The following NDRG2 variants were observed in gnomAD, a reference collection of about 807,000 sequenced individuals.
The protein encoded by NDRG2 is NDRG family member 2, also known as protein NDRG2.
Under a neutral mutation model 58.2 loss-of-function variants are expected in NDRG2, and 34 were observed. That is an observed-to-expected ratio of 0.58 (90% CI 0.44 to 0.78). The LOEUF (loss-of-function observed/expected upper bound fraction) is 0.78, where lower values mean the gene tolerates loss of function less well. NDRG2 is among the 30% of genes least tolerant of loss of function. NDRG2 has a pLI of 0.00. For synonymous variants in NDRG2, 187 were observed against 175.9 expected, an observed-to-expected ratio of 1.06 and a Z score of -0.50; for missense variants, 434 against 471.2, an observed-to-expected ratio of 0.92 and a Z score of 0.73.
chr14:21,021,191 C>T, intron 6 of NDRG2: 1 of 465,084 alleles, frequency 2.2e-6, no homozygotes, highest in South Asian at 1.6e-5. Context: ...TGCTTTAGTT[C>T]CTGGTTCCTC....
upstream of NDRG2, chr14:21,025,070 C>T: frequency 1.0e-6 from 1 of 986,260 alleles, no homozygotes; most frequent in Non-Finnish European, 1.2e-6. This position sits in a 1 kb window ranked among gnomAD's most constrained non-coding sequence, Gnocchi z 5.1. Flanking sequence ...TTGCCTTTGA[C>T]TCGGGCCCGC....
intron 1 of NDRG2, 96 bp from the exon 2 acceptor site, chr14:21,023,417 G>A: frequency 1.8e-6 from 2 of 1,121,206 alleles, no homozygotes; most frequent in Non-Finnish European, 1.3e-6. Flanking sequence ...AAGATGCAGG[G>A]AACAGAGGGA....
At chr14:21,067,848 C>G (rs1236063321) in intron 1 of NDRG2, among the ~76,000 whole-genome samples, 2 of 152,110 alleles carry the variant, frequency 1.3e-5, no homozygotes, top group Non-Finnish European at 2.9e-5. Context: ...CCACATGTCA[C>G]TTACTTACTT....
At position 21,018,454 on chromosome 14, in the gene NDRG2, G is replaced by A; in HGVS notation, c.861+3C>T. 1 of 1,613,942 alleles carries A rather than the reference G, an allele frequency of 6.2e-7. No individual in the cohort carries two copies. Among genetic ancestry groups the A allele is most frequent in the Non-Finnish European group, 8.5e-7 (1 of 1,179,946 alleles). On this transcript the variant is annotated splice_donor_region_variant and intron_variant, in intron 13 of 15. Transcript: ENST00000556147. ...GACGGGGGCCCAGGAACAGGTTACT[G>A]ACCTTGAGGAACGAGGTCTGGGTGG...
intron 1 of NDRG2, among the ~76,000 whole-genome samples, chr14:21,047,248 A>G (rs959889898): frequency 1.3e-5 from 2 of 152,256 alleles, no homozygotes; most frequent in African/African-American, 2.4e-5. Context: ...ACTGGCTGGT[A>G]GAATTTCAAT....
intron 3 of NDRG2, 140 bp from the exon 4 acceptor site, chr14:21,022,637 T>G (rs1881208135): frequency 1.6e-5 from 11 of 694,112 alleles, no homozygotes; most frequent in Non-Finnish European, 2.7e-5. Flanking sequence ...CAGCAAGAAT[T>G]GAGGAAAACA....
At chr14:21,046,509 C>T (rs1885153253) in intron 1 of NDRG2, among the ~76,000 whole-genome samples, 1 of 152,100 alleles carries the variant, frequency 6.6e-6, no homozygotes, top group Non-Finnish European at 1.5e-5. Context: ...GCACTCCAGC[C>T]TGAGTAACAG....
intron 1 of NDRG2, chr14:21,036,007 A>T (rs1323540164): frequency 1.0e-5 from 4 of 381,190 alleles, no homozygotes; most frequent in Non-Finnish European, 2.1e-5. Context: ...TCATCTGTTC[A>T]TGAGGATAGT....
rs577782837 is a variant in NDRG2, at chr14:21,017,753, G to A, written c.959C>T (p.Ser320Phe). ...AGACCGGGACAGGCGAGTCATGCAG[G>A]ATGAGGCCACTGTGGAGACAGCACG... is the stretch of plus-strand genomic sequence containing the variant. ...FLQGMGYMAS[S>F]CMTRLSRSRT... Residue 320 changes from serine (S) to phenylalanine (F), a missense_variant, in exon 16 of 16, where the codon TCC becomes TTC. By Grantham distance (155) the Ser-to-Phe change is radical. Coordinates refer to ENST00000556147, the MANE Select transcript of NDRG2 (RefSeq NM_001320329.2). 6.2e-7 allele frequency: 1 copy of A among 1,600,618 alleles called. No homozygotes were observed. Among genetic ancestry groups the A allele is most frequent in the Admixed American group, 1.7e-5 (1 of 57,416 alleles).
At chr14:21,043,076 C>G (rs780817603) in intron 1 of NDRG2, 1 of 1,614,180 alleles carries the variant, frequency 6.2e-7, no homozygotes, top group South Asian at 1.1e-5. Context: ...CAGTCAGTGC[C>G]AAGCCCAAGG....
rs370603371 is a variant in NDRG2, at chr14:21,057,918, G to A, written c.24+12910C>T. 2.5e-6 allele frequency: 4 copies of A among 1,613,828 alleles called. No individual in the cohort carries two copies. The highest frequency in any genetic ancestry group is 2.2e-5 in the East Asian group (1 of 44,872). ...ATGGCACCGGCCAGAGCAGGATGCT[G>A]CCCCCTGCTGCTGCTGCTTCTGGGG... On this transcript the variant is annotated intron_variant, in intron 1 of 14. Coordinates refer to the NDRG2 transcript ENST00000403829.
chr14:21,017,920 A>C (rs1362427842), intron 15 of NDRG2, 67 bp downstream of exon 15: 1 of 1,613,170 alleles, frequency 6.2e-7, no homozygotes, highest in East Asian at 2.2e-5. Context: ...GCATTCACCT[A>C]AAACGGTTCC....
chr14:21,033,074 G>C (rs947627658), intron 1 of NDRG2: 1 of 444,548 alleles, frequency 2.2e-6, no homozygotes, highest in African/African-American at 2.0e-5. Flanking sequence ...AACCTCTGGG[G>C]AATGGGTGAG....
chr14:21,025,000 T>C lies in NDRG2; in HGVS notation c.-977A>G. 1 of 985,896 alleles carries C rather than the reference T, an allele frequency of 1.0e-6. No homozygotes were observed. Among genetic ancestry groups the C allele is most frequent in the Non-Finnish European group, 1.2e-6 (1 of 830,414 alleles). The allele number at this position is 985,896 out of a possible 1,614,324, so 61.1% of individuals were successfully genotyped here. Reference sequence around the variant, plus strand: ...GGCCCGGCTGGCGCCTTCCAGGCCCTACGGCCCCTCGCCTGCCCCTCCCCC... The same window carrying C: ...GGCCCGGCTGGCGCCTTCCAGGCCCCACGGCCCCTCGCCTGCCCCTCCCCC... On this transcript the variant is annotated 5_prime_UTR_variant, in exon 1 of 16. Coordinates refer to ENST00000556147, the MANE Select transcript of NDRG2 (RefSeq NM_001320329.2).
chr14:21,055,429 C>T (rs1885631999), intron 1 of NDRG2, among the ~76,000 whole-genome samples: 2 of 151,980 alleles, frequency 1.3e-5, no homozygotes, highest in East Asian at 1.9e-4. Context: ...TGTTGTAGGC[C>T]CTTAGAAACC....
Position 21,017,529 on chromosome 14 carries a change from C to G in NDRG2, c.*67G>C, listed in dbSNP as rs1877364769. ...TGCTTACGGTGGCCCAATGCCCCTTCAGCACCTCCCAGGTTAGCTCTGGGG... is the reference window on the plus strand; with the variant it reads ...TGCTTACGGTGGCCCAATGCCCCTTGAGCACCTCCCAGGTTAGCTCTGGGG... On this transcript the variant is annotated 3_prime_UTR_variant, in exon 16 of 16. Transcript: ENST00000556147. 1.3e-6 allele frequency: 2 copies of G among 1,538,332 alleles called. No individual in the cohort carries two copies. Among genetic ancestry groups the G allele is most frequent in the East Asian group, 4.6e-5 (2 of 43,276 alleles).
rs1243359023 is a variant in NDRG2 at position 21,047,504 on chromosome 14, A to C, written c.24+23324T>G. Among the ~76,000 whole-genome samples the C allele has an allele frequency of 2.6e-5, 4 of 152,362 alleles. No homozygotes were observed. The East Asian group carries it at 7.7e-4, about 29-fold the overall frequency. On this transcript the variant is annotated intron_variant, in intron 1 of 14. Transcript: ENST00000403829. The stretch of plus-strand genomic sequence containing the variant: ...GGAATTTGACTATTCAGCCTTCCAA[A>C]AGCCAAAGCTGAGATACAAGAAGAT...
Position 21,018,239 on chromosome 14 carries a change from T to C in NDRG2, c.862A>G (p.Met288Val). The C allele has an allele frequency of 6.2e-7, 1 of 1,613,742 alleles. No individual in the cohort carries two copies. Among genetic ancestry groups the C allele is most frequent in the South Asian group, 1.1e-5 (1 of 91,082 alleles). The stretch of plus-strand genomic sequence containing the variant: ...TGGGGCTGACCTCCGGAGTCAGCCA[T>C]CTGTTCAGGAGAGCACCACCCAGAA... ...LDPTQTSFLK[M>V]ADSGGQPQLT... The change falls in exon 14 of 16, where the codon ATG (methionine) becomes GTG (valine). Residue 288 changes from methionine to valine, a missense_variant and splice_region_variant. Coordinates refer to ENST00000556147, the MANE Select transcript of NDRG2 (RefSeq NM_001320329.2).
chr14:21,045,618 C>T (rs556309308), intron 1 of NDRG2, among the ~76,000 whole-genome samples: 1 of 152,186 alleles, frequency 6.6e-6, no homozygotes, highest in Non-Finnish European at 1.5e-5. Context: ...GATGATCTTT[C>T]TTATGGATAA....
Sources: gnomAD v4.1 joint callset for allele counts (sites outside exome capture counted in the v4.1 genomes callset) on GRCh38, gnomAD v4.1.1 for gene constraint, Gnocchi (gnomAD v3.1) non-coding constraint, MANE v1.5 for transcripts, NCBI Gene and HGNC (gene_info 2026-07-23, HGNC 2026-07-21) for gene names.